Variants in SRGAP2 observed in about 807,000 individuals in gnomAD.
SRGAP2 encodes the protein SLIT-ROBO Rho GTPase activating protein 2.
A neutral mutation model predicts 57.2 loss-of-function variants in SRGAP2; 15 were observed. That is an observed-to-expected ratio of 0.26 (90% CI 0.18 to 0.40). SRGAP2 has a LOEUF of 0.40. SRGAP2 is among the 10% of genes least tolerant of loss of function. The pLI is 1.00. For missense variants in SRGAP2, 520 were observed against 669.6 expected (o/e 0.78, Z 2.47); for synonymous variants, 249 against 248.0 (o/e 1.00, Z -0.04).
intron 2 of SRGAP2, among the ~76,000 whole-genome samples, chr1:206,260,595 G>A (rs1553313335): frequency 6.6e-6 from 1 of 152,176 alleles, no homozygotes; most frequent in Non-Finnish European, 1.5e-5. Context: ...TATCTAACCT[G>A]TTCTGTACTA....
At chr1:206,425,764 A>C (rs1246195253) in intron 13 of SRGAP2, among the ~76,000 whole-genome samples, 9 of 151,020 alleles carry the variant, frequency 6.0e-5, no homozygotes, top group African/African-American at 1.5e-4. Flanking sequence ...CGAACTCCTG[A>C]CCTCAGGTGA....
intron 21 of SRGAP2, among the ~76,000 whole-genome samples, chr1:206,456,583 A>G (rs1663853153): frequency 6.6e-6 from 1 of 152,224 alleles, no homozygotes; most frequent in Admixed American, 6.5e-5. Context: ...TAGAAATTGT[A>G]GAGAGTAATA....
chr1:206,241,161 G>A (rs1668202201), intron 2 of SRGAP2, among the ~76,000 whole-genome samples: 1 of 152,176 alleles, frequency 6.6e-6, no homozygotes, highest in African/African-American at 2.4e-5. Context: ...TCTGGCCTGG[G>A]TGAAAGAGCA....
intron 21 of SRGAP2, 133 bp from the exon 22 acceptor site, chr1:206,458,490 G>A (rs935864932): frequency 8.4e-6 from 6 of 713,680 alleles, no homozygotes; most frequent in Admixed American, 4.1e-5. Flanking sequence ...AGATGAAGCC[G>A]AGGAGAGAAC....
At chr1:206,216,803 TG>T (rs200475797) in intron 2 of SRGAP2, among the ~76,000 whole-genome samples, 3 of 89,862 alleles carry the variant, frequency 3.3e-5, no homozygotes, top group Admixed American at 1.3e-4. Flanking sequence ...TTTTTTTGTT[TG>T]TTTGTTTGTT....
At chr1:206,321,501 A>G (rs1199797664) in intron 3 of SRGAP2, among the ~76,000 whole-genome samples, 1 of 82,918 alleles carries the variant, frequency 1.2e-5, no homozygotes, top group African/African-American at 5.7e-5. Context: ...TAGTTTTAGC[A>G]TCCATTATAA....
intron 2 of SRGAP2, among the ~76,000 whole-genome samples, chr1:206,240,305 A>C (rs1261821807): frequency 1.3e-5 from 2 of 149,592 alleles, no homozygotes; most frequent in Non-Finnish European, 3.0e-5. Context: ...TGGTCTTGGC[A>C]GTCTTTGGGT....
intron 11 of SRGAP2, among the ~76,000 whole-genome samples, chr1:206,418,104 GA>G (rs59868498): frequency 0.023 from 3,308 of 146,888 alleles, 120 homozygotes; most frequent in African/African-American, 0.075. Flanking sequence ...TAGCAATAAA[GA>G]AAAAAAAAAG....
At chr1:206,364,001 G>A (rs1317491276) in intron 4 of SRGAP2, among the ~76,000 whole-genome samples, 1 of 149,012 alleles carries the variant, frequency 6.7e-6, no homozygotes, top group Non-Finnish European at 1.5e-5. Flanking sequence ...TTTACCAAGA[G>A]AGTGCCATGG....
chr1:206,419,381 A>G lies in SRGAP2; in HGVS notation c.1450A>G (p.Thr484Ala). Residue 484 changes from threonine to alanine, a missense_variant, in exon 12 of 23, where the codon ACA becomes GCA. This residue lies in a region of SRGAP2 where 478 missense variants were observed against 373.6 expected (regional missense o/e 1.28). Coordinates refer to ENST00000573034, the MANE Select transcript of SRGAP2 (RefSeq NM_015326.5). The part of the protein sequence containing the change: ...LQKTLGESQR[T>A]DCSLARRSST... ...CTTTGTGTTTCCAACAGGTCAGCGGACAGATTGCAGTCTAGCCAGGTGAGT... is the reference window on the plus strand; with the variant it reads ...CTTTGTGTTTCCAACAGGTCAGCGGGCAGATTGCAGTCTAGCCAGGTGAGT... 1.3e-6 allele frequency: 1 copy of G among 780,824 alleles called. No homozygotes were observed. The highest frequency in any genetic ancestry group is 2.4e-6 in the Non-Finnish European group (1 of 417,936). The allele number at this position is 780,824 out of a possible 1,614,324, so 48.4% of individuals were successfully genotyped here. A position where few individuals can be genotyped will look rare whatever the true frequency, so the allele number is the denominator to read the frequency against.
chr1:206,270,633 C>T (rs1435041198), intron 2 of SRGAP2, among the ~76,000 whole-genome samples: 5 of 147,662 alleles, frequency 3.4e-5, no homozygotes, highest in Non-Finnish European at 5.9e-5. Flanking sequence ...CATAGCTATG[C>T]AGTGGAATGC....
rs185035423 is a variant in SRGAP2, at chr1:206,206,285, C to A, written c.67+248C>A. On this transcript the variant is annotated intron_variant, in intron 2 of 22. Transcript: ENST00000573034. ...TTTGTGGGGCTGACCATGATTTTGGCAGCCCTTTCCCCCCCAAGCCGGACA... is the reference window on the plus strand; with the variant it reads ...TTTGTGGGGCTGACCATGATTTTGGAAGCCCTTTCCCCCCCAAGCCGGACA... 9.1e-5 allele frequency: 43 copies of A among 475,128 alleles called. 6 individuals carry two copies. The African/African-American group carries it at 9.6e-4, about 11-fold the overall frequency. The allele number at this position is 475,128 out of a possible 1,614,324, so 29.4% of individuals were successfully genotyped here.
chr1:206,341,041 A>C (rs1274161111), intron 3 of SRGAP2, among the ~76,000 whole-genome samples: 2 of 152,192 alleles, frequency 1.3e-5, no homozygotes, highest in African/African-American at 4.8e-5. Flanking sequence ...TTTGGACTCT[A>C]ATATTAATTG....
chr1:206,458,106 T>C (rs1663986056), intron 21 of SRGAP2, among the ~76,000 whole-genome samples: 1 of 152,210 alleles, frequency 6.6e-6, no homozygotes, highest in Non-Finnish European at 1.5e-5. Flanking sequence ...TTGAAAACTA[T>C]TCTGCTCCAT....
intron 8 of SRGAP2, among the ~76,000 whole-genome samples, chr1:206,402,360 T>C (rs1291474616): frequency 1.8e-4 from 27 of 151,978 alleles, no homozygotes; most frequent in Admixed American, 3.3e-4. Context: ...AAAAAGGGCC[T>C]AAAAAAGCTA....
At chr1:206,412,613 G>A (rs1005733623) in intron 10 of SRGAP2, among the ~76,000 whole-genome samples, 2 of 152,196 alleles carry the variant, frequency 1.3e-5, no homozygotes, top group East Asian at 3.8e-4. Flanking sequence ...TTTGAGATTG[G>A]AGATTATAAG....
In SRGAP2 at chr1:206,213,101, G is replaced by A. The variant is rs192438057; in HGVS notation, c.67+7064G>A. The stretch of plus-strand genomic sequence containing the variant: ...AGCTATACGGGAGGCTGAGGCACGA[G>A]AATCACTTGAACCTGGGAGGCAGAG... On this transcript the variant is annotated intron_variant, in intron 2 of 22. Coordinates refer to ENST00000573034, the MANE Select transcript of SRGAP2 (RefSeq NM_015326.5). 1.6e-3 allele frequency among the ~76,000 whole-genome samples: 251 copies of A among 152,302 alleles called. 2 individuals carry two copies. The highest frequency in any genetic ancestry group is 6.4e-3 in the Admixed American group (98 of 15,292).
intron 2 of SRGAP2, among the ~76,000 whole-genome samples, chr1:206,273,297 T>C (rs1267396019): frequency 2.0e-5 from 3 of 148,490 alleles, no homozygotes; most frequent in Non-Finnish European, 2.9e-5. Context: ...GAGTGGTTGC[T>C]GGGAGGAATG....
intron 2 of SRGAP2, among the ~76,000 whole-genome samples, chr1:206,240,579 C>A (rs1321297140): frequency 6.6e-6 from 1 of 152,030 alleles, no homozygotes; most frequent in Non-Finnish European, 1.5e-5. Flanking sequence ...TTTCTGCTTG[C>A]CTGAGCTAGA....
Sources: gnomAD v4.1 joint callset for allele counts (sites outside exome capture counted in the v4.1 genomes callset) on GRCh38, gnomAD v4.1.1 for gene constraint, gnomAD v4.1.1 regional missense constraint, MANE v1.5 for transcripts, NCBI Gene and HGNC (gene_info 2026-07-23, HGNC 2026-07-21) for gene names.